The following PACS1 variants were observed in gnomAD, a reference collection of about 807,000 sequenced individuals.
PACS1 encodes PACS-1.
PACS1 carries 24 observed loss-of-function variants against 115.0 expected under a neutral mutation model. The observed-to-expected ratio is 0.21, with a 90% CI of 0.15 to 0.29. PACS1 has a LOEUF of 0.29. Among genes scored for constraint, PACS1 ranks in the 10% least tolerant of loss-of-function variants. The probability of loss-of-function intolerance (pLI) is 1.00; values close to 1 mark genes in which losing one functional copy is unlikely to be tolerated. For missense variants in PACS1, 838 were observed against 1,251.2 expected, an observed-to-expected ratio of 0.67 and a Z score of 4.98; for synonymous variants, 453 against 504.5, an observed-to-expected ratio of 0.90 and a Z score of 1.37.
At chr11:66,201,634 T>G (rs1590815081) in intron 2 of PACS1, among the ~76,000 whole-genome samples, 1 of 147,898 alleles carries the variant, frequency 6.8e-6, no homozygotes, top group Non-Finnish European at 1.5e-5. Context: ...AAAAAAAAAG[T>G]CAACAAAACA....
At position 66,216,074 on chromosome 11, in the gene PACS1, G is replaced by A. The variant is rs1337640926; in HGVS notation, c.661-45G>A. The A allele has an allele frequency of 3.1e-6, 5 of 1,600,840 alleles. No individual in the cohort carries two copies. The South Asian group carries it at 5.5e-5, about 18-fold the overall frequency. The stretch of plus-strand genomic sequence containing the variant: ...GCATTCCTTGGCTGTGTTTCTCCAG[G>A]TGCCTCTGTAGTAACACGCCTCCAC... On this transcript the variant is annotated intron_variant, in intron 4 of 23. Transcript: ENST00000320580.
intron 1 of PACS1, among the ~76,000 whole-genome samples, chr11:66,140,647 A>G (rs1858957961): frequency 6.6e-6 from 1 of 152,098 alleles, no homozygotes; most frequent in South Asian, 2.1e-4. Context: ...TTAATTCCCC[A>G]TCTGCTCAGT....
chr11:66,207,654 T>A (rs1304139601), intron 2 of PACS1, among the ~76,000 whole-genome samples: 1 of 152,232 alleles, frequency 6.6e-6, no homozygotes, highest in Non-Finnish European at 1.5e-5. Context: ...GGCCCTGGCC[T>A]GTGTGCGGGC....
At chr11:66,124,716 T>C (rs1443442029) in intron 1 of PACS1, among the ~76,000 whole-genome samples, 2 of 152,234 alleles carry the variant, frequency 1.3e-5, no homozygotes, top group East Asian at 3.8e-4. Flanking sequence ...TAGGTCAGTG[T>C]GTGTCATCAG....
At chr11:66,090,777 G>T (rs866466982) in intron 1 of PACS1, among the ~76,000 whole-genome samples, 1 of 152,100 alleles carries the variant, frequency 6.6e-6, no homozygotes, top group Non-Finnish European at 1.5e-5. Flanking sequence ...TCAGTGAAAG[G>T]TATCAGATGA....
chr11:66,141,889 T>G (rs955103503), intron 1 of PACS1, among the ~76,000 whole-genome samples: 5 of 151,478 alleles, frequency 3.3e-5, no homozygotes, highest in Admixed American at 6.6e-5. Context: ...CACGGCAGCC[T>G]CTGTCTCCCG....
intron 1 of PACS1, among the ~76,000 whole-genome samples, chr11:66,147,075 CAAAA>C (rs1178757776): frequency 6.6e-6 from 1 of 151,880 alleles, no homozygotes; most frequent in African/African-American, 2.4e-5. Context: ...CAGACAAAGA[CAAAA>C]AGAATAAGAA....
intron 1 of PACS1, among the ~76,000 whole-genome samples, chr11:66,108,705 C>T (rs970807111): frequency 2.6e-5 from 4 of 152,110 alleles, no homozygotes; most frequent in African/African-American, 7.2e-5. Flanking sequence ...ATTGAGGCTG[C>T]AGTGAGCCAT....
chr11:66,087,859 G>GA, intron 1 of PACS1, among the ~76,000 whole-genome samples: 1 of 152,128 alleles, frequency 6.6e-6, no homozygotes, highest in Non-Finnish European at 1.5e-5. Flanking sequence ...AGCAATATAT[G>GA]AAAGTTCCTG....
At position 66,117,622 on chromosome 11, in the gene PACS1, G is replaced by A. The variant is rs141673686; in HGVS notation, c.356+46780G>A. On this transcript the variant is annotated intron_variant, in intron 1 of 23. Coordinates refer to ENST00000320580, the MANE Select transcript of PACS1 (RefSeq NM_018026.4). ...AGCACTTTGGGAGGCCGAGGCAGGC[G>A]GATCACCTGAGGTCGGGAGTTCGCG... Among the ~76,000 whole-genome samples, 488 of 152,142 alleles carry A rather than the reference G, an allele frequency of 3.2e-3. 11 individuals are homozygous for A. The highest frequency in any genetic ancestry group is 0.026 in the Admixed American group (390 of 15,280).
intron 10 of PACS1, among the ~76,000 whole-genome samples, chr11:66,223,411 G>A (rs1855402163): frequency 6.7e-6 from 1 of 149,354 alleles, no homozygotes; most frequent in Non-Finnish European, 1.5e-5. Flanking sequence ...TTTTTTTTGA[G>A]ATAGGGTCTC....
chr11:66,223,966 G>A (rs1262485853), intron 10 of PACS1, among the ~76,000 whole-genome samples: 1 of 152,172 alleles, frequency 6.6e-6, no homozygotes, highest in Non-Finnish European at 1.5e-5. Flanking sequence ...GGGAGGCCGA[G>A]GTGGGTGGAC....
rs1461487518 is a variant in PACS1, at chr11:66,236,723, C to T, written c.2250+783C>T. The stretch of plus-strand genomic sequence containing the variant: ...AAACTCCGATTTCCACTTAAAAGAG[C>T]TTTACATTTCCCTTCGAAACCAGCT... On this transcript the variant is annotated intron_variant, in intron 19 of 23. Coordinates refer to ENST00000320580, the MANE Select transcript of PACS1 (RefSeq NM_018026.4). The surrounding 1 kb of genome is among the most constrained non-coding windows in gnomAD (Gnocchi z 4.2). Among the ~76,000 whole-genome samples the T allele has an allele frequency of 6.6e-6, 1 of 152,014 alleles. No individual in the cohort carries two copies. Among genetic ancestry groups the T allele is most frequent in the Non-Finnish European group, 1.5e-5 (1 of 68,002 alleles).
chr11:66,194,381 AC>A (rs1217524310), intron 2 of PACS1, among the ~76,000 whole-genome samples: 1 of 152,224 alleles, frequency 6.6e-6, no homozygotes, highest in African/African-American at 2.4e-5. Context: ...ATAACTCCTT[AC>A]ATTTGGTATA....
intron 1 of PACS1, among the ~76,000 whole-genome samples, chr11:66,073,114 C>T (rs999094652): frequency 1.3e-5 from 2 of 152,218 alleles, no homozygotes; most frequent in African/African-American, 2.4e-5. Context: ...TGTCCTGCTC[C>T]GACATTGTTT....
intron 1 of PACS1, among the ~76,000 whole-genome samples, chr11:66,073,358 C>T (rs889246108): frequency 2.0e-5 from 3 of 152,162 alleles, no homozygotes; most frequent in African/African-American, 7.2e-5. Context: ...TCTCATGTAA[C>T]TCAAACGGGA....
At position 66,070,555 on chromosome 11, in the gene PACS1, C is replaced by CG; in HGVS notation, c.73dup (p.Val25GlyfsTer95). The CG allele has an allele frequency of 7.0e-7, 1 of 1,419,762 alleles. No homozygotes were observed. The highest frequency in any genetic ancestry group is 1.4e-5 in the South Asian group (1 of 69,422). The allele number at this position is 1,419,762 out of a possible 1,614,324, so 87.9% of individuals were successfully genotyped here. A position where few individuals can be genotyped will look rare whatever the true frequency, so the allele number is the denominator to read the frequency against. The stretch of plus-strand genomic sequence containing the variant: ...GGGGCGGCAGCGGCCAGCGGGGATC[C>CG]GGGGTCGCCCAGTCCCCTCAGCAGC... On this transcript the variant is annotated frameshift_variant, in exon 1 of 24. Transcript: ENST00000320580. LOFTEE classifies it high-confidence loss of function. The surrounding 1 kb of genome is among the most constrained non-coding windows in gnomAD (Gnocchi z 5.9).
intron 1 of PACS1, among the ~76,000 whole-genome samples, chr11:66,187,596 A>T (rs1854412569): frequency 6.6e-6 from 1 of 152,196 alleles, no homozygotes; most frequent in Non-Finnish European, 1.5e-5. Flanking sequence ...CACTTAACAC[A>T]ATATTCTCAG....
At chr11:66,185,003 A>T (rs1860092368) in intron 1 of PACS1, among the ~76,000 whole-genome samples, 1 of 152,110 alleles carries the variant, frequency 6.6e-6, no homozygotes, top group Non-Finnish European at 1.5e-5. Flanking sequence ...GGTGCAGGGA[A>T]TGAGGGGACA....
Sources: allele counts gnomAD v4.1 joint callset (sites outside exome capture counted in the v4.1 genomes callset), GRCh38; gene constraint gnomAD v4.1.1; non-coding constraint Gnocchi (gnomAD v3.1); transcripts MANE v1.5; gene names NCBI Gene and HGNC (gene_info 2026-07-23, HGNC 2026-07-21).